The following GALNT11 variants were observed in gnomAD, a reference collection of about 807,000 sequenced individuals.
GALNT11 encodes the protein UDP-GalNAc:polypeptide N-acetylgalactosaminyltransferase 11.
In GALNT11, 47 loss-of-function variants were observed where a neutral mutation model predicts 72.7. The observed-to-expected ratio is 0.65, with a 90% CI of 0.51 to 0.82. The LOEUF is 0.82. GALNT11 is among the 40% of genes least tolerant of loss of function. The pLI, the probability that GALNT11 is intolerant of heterozygous loss-of-function variation, is 0.00. For missense variants in GALNT11, 677 were observed against 778.4 expected (o/e 0.87, Z 1.55); for synonymous variants, 270 against 286.6 (o/e 0.94, Z 0.58).
chr7:152,032,070 T>C (rs2082327692), intron 1 of GALNT11, among the ~76,000 whole-genome samples: 1 of 152,192 alleles, frequency 6.6e-6, no homozygotes, highest in Non-Finnish European at 1.5e-5. Context: ...CTAGATGCCT[T>C]GTACCCTTGA....
chr7:152,094,608 T>C lies in GALNT11; in HGVS notation c.295+86T>C. ...AATTAGTTAATTAGGAGATCAGAAA[T>C]GCTGCATCATTTTTTCCCCACTGAT... On this transcript the variant is annotated intron_variant, in intron 2 of 11. Coordinates refer to ENST00000430044, the MANE Select transcript of GALNT11 (RefSeq NM_022087.4). The surrounding 1 kb of genome is among the most constrained non-coding windows in gnomAD (Gnocchi z 4.3). The C allele has an allele frequency of 2.1e-6, 3 of 1,411,968 alleles. No homozygotes were observed. The highest frequency in any genetic ancestry group is 2.8e-6 in the Non-Finnish European group (3 of 1,053,808). The allele number at this position is 1,411,968 out of a possible 1,614,324, so 87.5% of individuals were successfully genotyped here.
rs945565513 is a variant in GALNT11, at chr7:152,115,925, G to A, written c.1234-1232G>A. Among the ~76,000 whole-genome samples, 8 of 152,182 alleles carry A rather than the reference G, an allele frequency of 5.3e-5. No homozygotes were observed. The East Asian group carries it at 9.7e-4, about 18-fold the overall frequency. On this transcript the variant is annotated intron_variant, in intron 8 of 11. Coordinates refer to ENST00000430044, the MANE Select transcript of GALNT11 (RefSeq NM_022087.4). ...TACAAAATTAGCCGGGTGTGGTGGC[G>A]CATGCCTGTAGTTCCAGCTACTCAG...
chr7:152,086,672 CTT>C (rs1392668240), intron 1 of GALNT11, among the ~76,000 whole-genome samples: 1 of 152,152 alleles, frequency 6.6e-6, no homozygotes, highest in Non-Finnish European at 1.5e-5. Flanking sequence ...GAGCAGAAAA[CTT>C]TTTCATTTTG....
intron 2 of GALNT11, among the ~76,000 whole-genome samples, chr7:152,098,306 C>T (rs560117323): frequency 4.6e-5 from 7 of 151,956 alleles, no homozygotes; most frequent in African/African-American, 7.2e-5. Flanking sequence ...AGTGTGGGGG[C>T]GCATGGCTGT....
At chr7:152,056,818 C>T (rs567190870) in intron 1 of GALNT11, among the ~76,000 whole-genome samples, 3 of 151,382 alleles carry the variant, frequency 2.0e-5, no homozygotes, top group East Asian at 1.9e-4. Context: ...GTTAAAGGAA[C>T]GGTAGTTTGT....
Position 152,105,233 on chromosome 7 carries a change from C to T in GALNT11, c.587-12C>T. 1 of 1,611,094 alleles carries T rather than the reference C, an allele frequency of 6.2e-7. No homozygotes were observed. Among genetic ancestry groups the T allele is most frequent in the Non-Finnish European group, 8.5e-7 (1 of 1,178,820 alleles). On this transcript the variant is annotated splice_polypyrimidine_tract_variant and intron_variant, in intron 4 of 11. Transcript: ENST00000430044. ...TCATACAGTTTGAATAATTGTGGGA[C>T]TTTATTTTCAGATGATTTGAAAGGA...
In GALNT11 at chr7:152,025,752, C is replaced by G; in HGVS notation, c.-171C>G. 6.4e-6 allele frequency: 1 copy of G among 156,968 alleles called. No individual in the cohort carries two copies. The highest frequency in any genetic ancestry group is 1.3e-4 in the South Asian group (1 of 7,522). The allele number at this position is 156,968 out of a possible 1,614,324, so 9.7% of individuals were successfully genotyped here. On this transcript the variant is annotated 5_prime_UTR_variant, in exon 1 of 12. Coordinates refer to ENST00000430044, the MANE Select transcript of GALNT11 (RefSeq NM_022087.4). ...GCCGCCACTGCGCCCAGCGCCTGCG[C>G]GACGCCTGGCTGCTGGGCCCCGGGG... is the stretch of plus-strand genomic sequence containing the variant.
intron 1 of GALNT11, among the ~76,000 whole-genome samples, chr7:152,090,351 C>A (rs910468887): frequency 7.2e-5 from 11 of 151,968 alleles, no homozygotes; most frequent in Non-Finnish European, 1.6e-4. Context: ...TTTTATTATT[C>A]TTTTATGTTC....
At chr7:152,105,737 C>G (rs1360555428) in intron 5 of GALNT11, among the ~76,000 whole-genome samples, 1 of 152,142 alleles carries the variant, frequency 6.6e-6, no homozygotes, top group African/African-American at 2.4e-5. Context: ...ATGTATGAAC[C>G]CAAACTGTCG....
intron 8 of GALNT11, among the ~76,000 whole-genome samples, chr7:152,115,985 G>A (rs1004667665): frequency 2.0e-5 from 3 of 152,178 alleles, no homozygotes; most frequent in Non-Finnish European, 4.4e-5. Context: ...GAACCTGGGA[G>A]GTGGAGGTTG....
intron 7 of GALNT11, among the ~76,000 whole-genome samples, chr7:152,111,628 GTA>G (rs139640614): frequency 1.9e-4 from 27 of 144,766 alleles, no homozygotes; most frequent in Admixed American, 2.0e-4. Context: ...GTGTGTGTGT[GTA>G]TATATATATA....
intron 1 of GALNT11, among the ~76,000 whole-genome samples, chr7:152,033,092 G>A (rs1263340794): frequency 3.3e-5 from 5 of 152,156 alleles, no homozygotes; most frequent in African/African-American, 1.2e-4. Flanking sequence ...ATGAGCTGGC[G>A]CTTGCCCGAG....
At chr7:152,048,819 T>C (rs1405636610) in intron 1 of GALNT11, among the ~76,000 whole-genome samples, 1 of 151,730 alleles carries the variant, frequency 6.6e-6, no homozygotes, top group Non-Finnish European at 1.5e-5. Flanking sequence ...TTCTTGTTTT[T>C]TTCTTTTGTC....
chr7:152,051,416 C>T (rs2083401226), intron 1 of GALNT11, among the ~76,000 whole-genome samples: 1 of 151,900 alleles, frequency 6.6e-6, no homozygotes, highest in Non-Finnish European at 1.5e-5. Flanking sequence ...CCCCACCCTC[C>T]AATTCTGGTA....
chr7:152,078,193 G>C (rs1310380842), intron 1 of GALNT11, among the ~76,000 whole-genome samples: 2 of 152,026 alleles, frequency 1.3e-5, no homozygotes, highest in East Asian at 3.9e-4. Flanking sequence ...AGAAGAGGGA[G>C]GGGGGTAGAA....
chr7:152,082,801 C>T (rs1373961751), intron 1 of GALNT11, among the ~76,000 whole-genome samples: 1 of 152,200 alleles, frequency 6.6e-6, no homozygotes, highest in African/African-American at 2.4e-5. Context: ...GCCTCACTCT[C>T]AGAATATGTT....
intron 1 of GALNT11, among the ~76,000 whole-genome samples, chr7:152,089,455 G>A (rs888948243): frequency 4.6e-5 from 7 of 152,336 alleles, no homozygotes; most frequent in East Asian, 1.9e-4. Context: ...AAGGAAAGAC[G>A]TAATTTTTAT....
intron 5 of GALNT11, among the ~76,000 whole-genome samples, chr7:152,106,482 T>C (rs6953899): frequency 0.13 from 19,487 of 152,258 alleles, 2,844 homozygotes; most frequent in African/African-American, 0.35. Flanking sequence ...CTCTACATCC[T>C]ATCTGCAGTG....
intron 1 of GALNT11, among the ~76,000 whole-genome samples, chr7:152,034,233 A>T (rs895548963): frequency 6.6e-6 from 1 of 152,028 alleles, no homozygotes; most frequent in African/African-American, 2.4e-5. Context: ...TATAGGGAGG[A>T]TAGGATATGG....
Sources: allele counts gnomAD v4.1 joint callset (sites outside exome capture counted in the v4.1 genomes callset), GRCh38; gene constraint gnomAD v4.1.1; non-coding constraint Gnocchi (gnomAD v3.1); transcripts MANE v1.5; gene names NCBI Gene and HGNC (gene_info 2026-07-23, HGNC 2026-07-21).